The following DOCK7 variants were observed in gnomAD, a reference collection of about 807,000 sequenced individuals.
DOCK7 encodes the protein dedicator of cytokinesis 7.
DOCK7 carries 138 observed loss-of-function variants against 271.0 expected under a neutral mutation model. The ratio of observed to expected loss-of-function variants is 0.51; its 90% CI spans 0.44 to 0.59. The LOEUF (loss-of-function observed/expected upper bound fraction) is 0.59, where lower values mean the gene tolerates loss of function less well. Ranked by LOEUF, DOCK7 falls within the 20% of genes least tolerant of loss-of-function variation. The pLI is 0.00. For missense variants in DOCK7, 2,066 were observed against 2,592.4 expected (o/e 0.80, Z 4.41); for synonymous variants, 823 against 876.1 (o/e 0.94, Z 1.07).
At position 62,539,392 on chromosome 1, in the gene DOCK7, T is replaced by C. The variant is rs536885358; in HGVS notation, c.3300+153A>G. 2.0e-5 allele frequency among the ~76,000 whole-genome samples: 3 copies of C among 152,366 alleles called. No individual in the cohort carries two copies. The South Asian group carries it at 6.2e-4, about 32-fold the overall frequency. ...CTGATAAAACATGTGTAATTTACTT[T>C]TGCCTTGCTAATAAAAATATGTTAC... On this transcript the variant is annotated intron_variant, in intron 27 of 49. Coordinates refer to ENST00000635253, the MANE Select transcript of DOCK7 (RefSeq NM_001367561.1).
intron 4 of DOCK7, among the ~76,000 whole-genome samples, chr1:62,653,448 G>A (rs1422689117): frequency 6.6e-6 from 1 of 152,060 alleles, no homozygotes; most frequent in East Asian, 1.9e-4. Context: ...TTTCCTAAAA[G>A]AATTAGACCA....
chr1:62,578,802 C>G, intron 17 of DOCK7, 26 bp downstream of exon 17: 3 of 1,475,904 alleles, frequency 2.0e-6, no homozygotes, highest in South Asian at 2.5e-5. Context: ...GCTCTTTGAT[C>G]TAAATATTGA....
chr1:62,664,986 A>T (rs1458026700), intron 1 of DOCK7, among the ~76,000 whole-genome samples: 1 of 152,076 alleles, frequency 6.6e-6, no homozygotes, highest in Non-Finnish European at 1.5e-5. Flanking sequence ...GGACTCCATT[A>T]GGGCTTTTAT....
intron 14 of DOCK7, among the ~76,000 whole-genome samples, chr1:62,616,957 A>G (rs1024839471): frequency 3.3e-5 from 5 of 151,728 alleles, no homozygotes; most frequent in African/African-American, 1.2e-4. Context: ...AAAACTATTA[A>G]TTTGAGAGTA....
intron 27 of DOCK7, 132 bp downstream of exon 27, chr1:62,539,413 G>A (rs1357421716): frequency 4.2e-6 from 3 of 709,002 alleles, no homozygotes; most frequent in Non-Finnish European, 6.8e-6. Flanking sequence ...ATAAAAATAT[G>A]TTACTTTGGC....
chr1:62,584,131 T>C, intron 15 of DOCK7: 1 of 977,000 alleles, frequency 1.0e-6, no homozygotes, highest in East Asian at 1.1e-4. Context: ...TTATTATTTA[T>C]ATAAAGAGAT....
At chr1:62,658,906 T>C (rs909613228) in intron 2 of DOCK7, among the ~76,000 whole-genome samples, 70 of 151,188 alleles carry the variant, frequency 4.6e-4, no homozygotes, top group Non-Finnish European at 2.9e-5. Context: ...TAAGCTGAGA[T>C]TGCACCACTA....
chr1:62,648,644 T>C (rs890682638), intron 4 of DOCK7, 100 bp from the exon 5 acceptor site: 2 of 600,816 alleles, frequency 3.3e-6, no homozygotes, highest in South Asian at 1.2e-4. Flanking sequence ...TTTTCTGCAT[T>C]ATTTCTTTAT....
At chr1:62,650,068 T>C (rs1657145907) in intron 4 of DOCK7, among the ~76,000 whole-genome samples, 1 of 152,118 alleles carries the variant, frequency 6.6e-6, no homozygotes, top group East Asian at 1.9e-4. Context: ...AGAGAGACCT[T>C]GTCCCAAGTA....
In DOCK7 at chr1:62,464,302, C is replaced by CCACCTGAGGT. The variant is rs1425696260; in HGVS notation, c.6213-6598_6213-6597insACCTCAGGTG. On this transcript the variant is annotated intron_variant, in intron 48 of 49. Coordinates refer to ENST00000635253, the MANE Select transcript of DOCK7 (RefSeq NM_001367561.1). ...TCTCGAACTCCTGACCTCAGGTGAT[C>CCACCTGAGGT]CACCCACCTCGGCCTCCCAAAGTGC... 5.1e-4 allele frequency among the ~76,000 whole-genome samples: 76 copies of CCACCTGAGGT among 150,216 alleles called. 2 individuals are homozygous for CCACCTGAGGT. The highest frequency in any genetic ancestry group is 8.9e-5 in the Non-Finnish European group (6 of 67,590).
At chr1:62,520,256 C>T (rs1448575098) in intron 31 of DOCK7, among the ~76,000 whole-genome samples, 1 of 152,190 alleles carries the variant, frequency 6.6e-6, no homozygotes, top group Non-Finnish European at 1.5e-5. Flanking sequence ...CAAATGGGAT[C>T]TAATCAAACT....
At chr1:62,553,001 G>A in intron 21 of DOCK7, 100 bp from the exon 22 acceptor site, 2 of 756,154 alleles carry the variant, frequency 2.6e-6, no homozygotes, top group Non-Finnish European at 3.7e-6. Context: ...CAAAGATCAT[G>A]AATTGCTTTG....
At chr1:62,479,296 T>C (rs1038863777) in intron 43 of DOCK7, among the ~76,000 whole-genome samples, 1 of 152,184 alleles carries the variant, frequency 6.6e-6, no homozygotes, top group Non-Finnish European at 1.5e-5. Flanking sequence ...GGTATAGTGA[T>C]GAAAAATATC....
chr1:62,587,070 T>C (rs1345249968), intron 14 of DOCK7, among the ~76,000 whole-genome samples: 2 of 152,084 alleles, frequency 1.3e-5, no homozygotes, highest in Admixed American at 6.5e-5. Flanking sequence ...GGCTTTTGTA[T>C]AAATGTGATT....
Position 62,553,354 on chromosome 1 carries a change from ATTTTTTTTTTTTTTTTTTTTTT to A in DOCK7, c.2597-475_2597-454del, listed in dbSNP as rs1159680880. ...TATATATATATATATATATATATAT[ATTTTTTTTTTTTTTTTTTTTTT>A]TTTTTTTTTAATAGGCAGGTGCCAT... On this transcript the variant is annotated intron_variant, in intron 21 of 49. Coordinates refer to ENST00000635253, the MANE Select transcript of DOCK7 (RefSeq NM_001367561.1). 5.8e-4 allele frequency among the ~76,000 whole-genome samples: 10 copies of A among 17,324 alleles called. 1 individual carries two copies. Among genetic ancestry groups the A allele is most frequent in the South Asian group, 5.2e-3 (2 of 388 alleles). The allele number at this position is 17,324 out of a possible 152,430, so 11.4% of individuals were successfully genotyped here. A position where few individuals can be genotyped will look rare whatever the true frequency, so the allele number is the denominator to read the frequency against.
At chr1:62,567,257 C>T (rs1379635940) in intron 18 of DOCK7, among the ~76,000 whole-genome samples, 1 of 152,154 alleles carries the variant, frequency 6.6e-6, no homozygotes, top group Non-Finnish European at 1.5e-5. Flanking sequence ...CATATGTTTA[C>T]TGCGGCACTA....
At chr1:62,558,420 C>A (rs1470321692) in intron 20 of DOCK7, among the ~76,000 whole-genome samples, 1 of 151,964 alleles carries the variant, frequency 6.6e-6, no homozygotes, top group African/African-American at 2.4e-5. Context: ...GTTCAACTTC[C>A]CTGCAGGATT....
chr1:62,532,095 C>A (rs138130814), intron 29 of DOCK7, among the ~76,000 whole-genome samples: 1 of 152,126 alleles, frequency 6.6e-6, no homozygotes, highest in South Asian at 2.1e-4. Context: ...TAGGCTGTGG[C>A]GTGATGTTGG....
intron 38 of DOCK7, 86 bp from the exon 39 acceptor site, chr1:62,495,767 ATATC>A (rs1307704935): frequency 5.6e-6 from 6 of 1,065,908 alleles, no homozygotes; most frequent in Non-Finnish European, 8.0e-6. Flanking sequence ...TTTCAGATAA[ATATC>A]TAAAGATTTC....
Sources: gnomAD v4.1 joint callset for allele counts (sites outside exome capture counted in the v4.1 genomes callset) on GRCh38, gnomAD v4.1.1 for gene constraint, MANE v1.5 for transcripts, NCBI Gene and HGNC (gene_info 2026-07-23, HGNC 2026-07-21) for gene names.